RC3H1: variants seen among roughly 807,000 people sequenced by gnomAD.
RC3H1 encodes ring finger and CCCH-type domains 1, also known as roquin-1.
Under a neutral mutation model 138.2 loss-of-function variants are expected in RC3H1, and 50 were observed. That is an observed-to-expected ratio of 0.36 (90% CI 0.29 to 0.46). The LOEUF (loss-of-function observed/expected upper bound fraction) is 0.46. Ranked by LOEUF, RC3H1 falls within the 20% of genes least tolerant of loss-of-function variation. The pLI is 1.00. For missense variants in RC3H1, 1,031 were observed against 1,388.1 expected (o/e 0.74, Z 4.09); for synonymous variants, 462 against 489.1 (o/e 0.94, Z 0.73).
chr1:173,950,744 A>G (rs1659359150), intron 14 of RC3H1, among the ~76,000 whole-genome samples: 1 of 152,036 alleles, frequency 6.6e-6, no homozygotes, highest in Admixed American at 6.6e-5. Flanking sequence ...AAGGGAATTA[A>G]GATACTATCC....
At chr1:173,971,965 C>T (rs1371350376) in intron 8 of RC3H1, among the ~76,000 whole-genome samples, 1 of 151,918 alleles carries the variant, frequency 6.6e-6, no homozygotes, top group African/African-American at 2.4e-5. Context: ...AAATTTAAAA[C>T]TCTAGCTATA....
chr1:173,973,525 A>G (rs1243730679), intron 7 of RC3H1, among the ~76,000 whole-genome samples: 5 of 144,232 alleles, frequency 3.5e-5, no homozygotes, highest in Non-Finnish European at 7.5e-5. Flanking sequence ...ACAGAGAGAA[A>G]CTCCATCTCA....
intron 13 of RC3H1, among the ~76,000 whole-genome samples, chr1:173,953,828 C>T (rs1346625018): frequency 6.6e-6 from 1 of 151,878 alleles, no homozygotes; most frequent in Non-Finnish European, 1.5e-5. Flanking sequence ...CACCTGAGGT[C>T]GGGAGTTCAA....
intron 13 of RC3H1, among the ~76,000 whole-genome samples, chr1:173,955,722 T>C (rs561591793): frequency 1.3e-5 from 2 of 152,276 alleles, no homozygotes; most frequent in African/African-American, 4.8e-5. Flanking sequence ...TGAAATAAAA[T>C]CTGAAAATCA....
chr1:174,005,361 T>C (rs1661634757), intron 1 of RC3H1, among the ~76,000 whole-genome samples: 1 of 152,218 alleles, frequency 6.6e-6, no homozygotes. Flanking sequence ...TGTAAGCGAA[T>C]AAAACGGTTG....
At chr1:174,004,371 C>T (rs1433530382) in intron 1 of RC3H1, among the ~76,000 whole-genome samples, 2 of 152,052 alleles carry the variant, frequency 1.3e-5, no homozygotes, top group African/African-American at 4.8e-5. Context: ...ATCTCAGCCT[C>T]CAAAATTGTT....
At chr1:173,970,041 T>G (rs533090001) in intron 9 of RC3H1, among the ~76,000 whole-genome samples, 1 of 152,310 alleles carries the variant, frequency 6.6e-6, no homozygotes, top group African/African-American at 2.4e-5. Flanking sequence ...TTAAAAATTA[T>G]GTACAGGTTG....
rs1038968377 is a variant in RC3H1 at position 174,022,146 on chromosome 1, C to G, written c.-201G>C. The G allele has an allele frequency of 5.1e-6, 2 of 395,978 alleles. No homozygotes were observed. Among genetic ancestry groups the G allele is most frequent in the Admixed American group, 8.9e-5 (2 of 22,548 alleles). 24.5% of individuals were successfully genotyped at this position (395,978 alleles called of 1,614,324 possible). On this transcript the variant is annotated 5_prime_UTR_variant, in exon 1 of 20. Transcript: ENST00000367696. The surrounding 1 kb of genome is among the most constrained non-coding windows in gnomAD (Gnocchi z 4.2). Reference sequence around the variant, plus strand: ...CTCAGCTCCGAGTCCCCGCGGCCGTCGCCACCGCCGCGGCAGCCGCCGCCG... The same window carrying G: ...CTCAGCTCCGAGTCCCCGCGGCCGTGGCCACCGCCGCGGCAGCCGCCGCCG...
intron 1 of RC3H1, among the ~76,000 whole-genome samples, chr1:174,007,405 C>T (rs1208129688): frequency 3.3e-5 from 5 of 151,386 alleles, no homozygotes; most frequent in Admixed American, 3.3e-4. Context: ...AAAAAAAAAT[C>T]TATATAACGG....
At chr1:174,018,890 C>G (rs10912717) in intron 1 of RC3H1, among the ~76,000 whole-genome samples, 43,973 of 152,066 alleles carry the variant, frequency 0.29, 11,374 homozygotes, top group African/African-American at 0.7. Flanking sequence ...CAAGAGTGGA[C>G]TGATTAGACC....
rs1414038060 is a variant in RC3H1 at position 173,937,531 on chromosome 1, A to C, written c.*1190T>G. 2.6e-5 allele frequency: 4 copies of C among 152,426 alleles called. No homozygotes were observed. Among genetic ancestry groups the C allele is most frequent in the Admixed American group, 1.3e-4 (2 of 15,254 alleles). The allele number at this position is 152,426 out of a possible 1,614,324, so 9.4% of individuals were successfully genotyped here. On this transcript the variant is annotated 3_prime_UTR_variant, in exon 20 of 20. Transcript: ENST00000367696. ...GTGCAGCAGAATTAAAAAAAAAAAA[A>C]ACCTTACTCTTTTCAATATTTTCAT...
chr1:173,955,033 T>C (rs993136370), intron 13 of RC3H1, among the ~76,000 whole-genome samples: 3 of 151,580 alleles, frequency 2.0e-5, no homozygotes, highest in Non-Finnish European at 4.4e-5. Flanking sequence ...GAGACCATCC[T>C]GGCTAACACG....
intron 9 of RC3H1, among the ~76,000 whole-genome samples, chr1:173,966,337 A>G (rs1343644539): frequency 6.6e-6 from 1 of 152,220 alleles, no homozygotes; most frequent in Non-Finnish European, 1.5e-5. Flanking sequence ...AAAGGAAAAA[A>G]TATAAGCCAT....
chr1:173,946,824 T>C lies in RC3H1; in HGVS notation c.2750A>G (p.Tyr917Cys). ...AGCTCCCCAGCCACCGTGGGTTCCA[T>C]ATGGACTATAATCTGTAAGAGAATG... ...KSINISDYSP[Y>C]GTHGGWGASP... Residue 917 changes from tyrosine (Y) to cysteine (C), a missense_variant, in exon 16 of 20, where the codon TAT (tyrosine) becomes TGT (cysteine). This residue lies in a region of RC3H1 where 716 missense variants were observed against 837.9 expected (regional missense o/e 0.85). Coordinates refer to ENST00000367696, the MANE Select transcript of RC3H1 (RefSeq NM_172071.4). 1.2e-6 allele frequency: 2 copies of C among 1,602,942 alleles called. No homozygotes were observed. The highest frequency in any genetic ancestry group is 1.3e-5 in the African/African-American group (1 of 74,864).
Position 174,022,146 on chromosome 1 carries a change from C to T in RC3H1, c.-201G>A, listed in dbSNP as rs1038968377. On this transcript the variant is annotated 5_prime_UTR_variant, in exon 1 of 20. Transcript: ENST00000367696. This position sits in a 1 kb window ranked among gnomAD's most constrained non-coding sequence, Gnocchi z 4.2. Reference sequence around the variant, plus strand: ...CTCAGCTCCGAGTCCCCGCGGCCGTCGCCACCGCCGCGGCAGCCGCCGCCG... The same window carrying T: ...CTCAGCTCCGAGTCCCCGCGGCCGTTGCCACCGCCGCGGCAGCCGCCGCCG... The T allele has an allele frequency of 3.4e-4, 136 of 396,086 alleles. 2 individuals carry two copies. The highest frequency in any genetic ancestry group is 1.8e-3 in the Admixed American group (40 of 22,568). The allele number at this position is 396,086 out of a possible 1,614,324, so 24.5% of individuals were successfully genotyped here.
chr1:173,951,047 A>T (rs1246060056), intron 14 of RC3H1, among the ~76,000 whole-genome samples: 2 of 152,046 alleles, frequency 1.3e-5, no homozygotes, highest in Non-Finnish European at 2.9e-5. Context: ...AGATGAAGCC[A>T]GGCACGGTGG....
intron 1 of RC3H1, among the ~76,000 whole-genome samples, chr1:174,001,510 G>A (rs1002983886): frequency 1.2e-4 from 19 of 152,176 alleles, no homozygotes; most frequent in Non-Finnish European, 5.9e-5. Context: ...ACAGTGGCAC[G>A]ATTTTGGCTC....
chr1:173,978,509 C>T lies in RC3H1; in HGVS notation c.1081G>A (p.Ala361Thr). ...NRLRPHLELL[A>T]NIDPSPDAPP... Reference sequence around the variant, plus strand: ...TTACCTGGACTAGGGTCAATGTTTGCTAACAGCTCCAAATGGGGTCTTAGT... The same window carrying T: ...TTACCTGGACTAGGGTCAATGTTTGTTAACAGCTCCAAATGGGGTCTTAGT... The change falls in exon 7 of 20, where the codon GCA becomes ACA. Residue 361 changes from alanine (A) to threonine (T), a missense_variant. Ala to Thr is a moderately conservative substitution (Grantham distance 58). Coordinates refer to ENST00000367696, the MANE Select transcript of RC3H1 (RefSeq NM_172071.4). The T allele has an allele frequency of 6.2e-7, 1 of 1,613,980 alleles. No homozygotes were observed. The highest frequency in any genetic ancestry group is 8.5e-7 in the Non-Finnish European group (1 of 1,179,948).
intron 17 of RC3H1, among the ~76,000 whole-genome samples, chr1:173,944,564 A>G (rs1404497408): frequency 2.0e-5 from 3 of 152,216 alleles, no homozygotes; most frequent in Non-Finnish European, 4.4e-5. Context: ...AACTTAAAGT[A>G]TATAAAACAA....
Sources: gnomAD v4.1 joint callset for allele counts (sites outside exome capture counted in the v4.1 genomes callset) on GRCh38, gnomAD v4.1.1 for gene constraint, gnomAD v4.1.1 regional missense constraint, Gnocchi (gnomAD v3.1) non-coding constraint, MANE v1.5 for transcripts, NCBI Gene and HGNC (gene_info 2026-07-23, HGNC 2026-07-21) for gene names.